The following DST variants were observed in gnomAD, a reference collection of about 807,000 sequenced individuals.
DST encodes dystonin.
In DST, 253 loss-of-function variants were observed where a neutral mutation model predicts 875.2. The observed-to-expected ratio is 0.29, with a 90% CI of 0.26 to 0.32. The LOEUF (loss-of-function observed/expected upper bound fraction) is 0.32, where lower values mean the gene tolerates loss of function less well. Ranked by LOEUF, DST falls within the 10% of genes least tolerant of loss-of-function variation. DST has a pLI of 1.00. For synonymous variants in DST, 3,124 were observed against 3,197.1 expected (o/e 0.98, Z 0.77); for missense variants, 8,287 against 9,111.6 (o/e 0.91, Z 3.68).
chr6:56,464,095 C>CAGAT (rs1193105910), intron 100 of DST: 1 of 401,394 alleles, frequency 2.5e-6, no homozygotes, highest in East Asian at 6.2e-5. Context: ...CCACCAGCTA[C>CAGAT]AGATGCCCAC....
At chr6:56,529,420 T>C (rs759301054) in intron 66 of DST, 28 bp downstream of exon 66, 2 of 1,390,238 alleles carry the variant, frequency 1.4e-6, no homozygotes, top group South Asian at 3.8e-5. Flanking sequence ...AATGAAAAAA[T>C]AAGATAAAAT....
At chr6:56,538,536 A>G in intron 61 of DST, among the ~76,000 whole-genome samples, 1 of 152,188 alleles carries the variant, frequency 6.6e-6, no homozygotes, top group East Asian at 1.9e-4. Context: ...ATGAAAAATA[A>G]CTTTGAAAGA....
intron 9 of DST, among the ~76,000 whole-genome samples, chr6:56,678,889 A>G (rs1171980473): frequency 6.6e-6 from 1 of 152,156 alleles, no homozygotes; most frequent in Non-Finnish European, 1.5e-5. Flanking sequence ...CCAGAGACTC[A>G]AAGTTTTTTT....
chr6:56,740,226 G>A (rs2099541901), intron 4 of DST, among the ~76,000 whole-genome samples: 1 of 152,122 alleles, frequency 6.6e-6, no homozygotes, highest in African/African-American at 2.4e-5. Flanking sequence ...AATTCTCTCT[G>A]GCAAGAGATC....
chr6:56,464,424 G>A (rs1436829220), intron 100 of DST: 3 of 492,782 alleles, frequency 6.1e-6, no homozygotes, highest in African/African-American at 1.9e-5. Flanking sequence ...AAACACATAC[G>A]CACACGGAGA....
At chr6:56,752,306 T>C (rs764707363) in intron 4 of DST, among the ~76,000 whole-genome samples, 1 of 152,110 alleles carries the variant, frequency 6.6e-6, no homozygotes, top group Non-Finnish European at 1.5e-5. Context: ...AAAAAGAGCT[T>C]GGCTTGATTT....
rs567117205 is a variant in DST at position 56,462,726 on chromosome 6, T to C, written c.23070+320A>G. On this transcript the variant is annotated intron_variant, in intron 102 of 103. Transcript: ENST00000680361. Reference sequence around the variant, plus strand: ...AGCTTTAAAAGAAATTTTACTTAAGTCTGGCTATAACCTACTCTATGTTAC... The same window carrying C: ...AGCTTTAAAAGAAATTTTACTTAAGCCTGGCTATAACCTACTCTATGTTAC... 5.3e-5 allele frequency among the ~76,000 whole-genome samples: 8 copies of C among 152,316 alleles called. No individual in the cohort carries two copies. In the South Asian group the frequency reaches 1.7e-3, roughly 32 times the overall value.
intron 3 of DST, among the ~76,000 whole-genome samples, chr6:56,873,446 T>C (rs963077520): frequency 2.0e-5 from 3 of 152,194 alleles, no homozygotes; most frequent in African/African-American, 4.8e-5. Flanking sequence ...TAGCAAGATA[T>C]GAAATCAACC....
At position 56,615,533 on chromosome 6, in the gene DST, A is replaced by G. The variant is rs374732834; in HGVS notation, c.4930-1049T>C. On this transcript the variant is annotated intron_variant, in intron 36 of 103. Coordinates refer to ENST00000680361, the MANE Select transcript of DST (RefSeq NM_001374736.1). The stretch of plus-strand genomic sequence containing the variant: ...CATGTCCCATTAGGAAGAATAGTAG[A>G]GGCTAGAAATTCCTGTCATCAGGGG... The G allele has an allele frequency of 8.1e-6, 13 of 1,614,078 alleles. No homozygotes were observed. The highest frequency in any genetic ancestry group is 1.3e-5 in the African/African-American group (1 of 75,054).
intron 103 of DST, 85 bp downstream of exon 103, chr6:56,460,046 T>C: frequency 1.4e-6 from 2 of 1,460,896 alleles, no homozygotes; most frequent in Non-Finnish European, 1.8e-6. Context: ...TTGTAATTTC[T>C]TCCCCAATGA....
At chr6:56,940,387 G>A (rs993934958) in intron 2 of DST, among the ~76,000 whole-genome samples, 5 of 151,970 alleles carry the variant, frequency 3.3e-5, no homozygotes, top group Admixed American at 1.3e-4. Context: ...TTCTCAAAAT[G>A]TGGTCCATAA....
At chr6:56,643,115 T>A (rs1178140205) in intron 15 of DST, 1 of 318,782 alleles carries the variant, frequency 3.1e-6, no homozygotes, top group Non-Finnish European at 5.9e-6. Context: ...CTAAGAGTCA[T>A]CCAATTGCAA....
intron 22 of DST, chr6:56,638,961 T>A (rs2098851780): frequency 2.3e-6 from 1 of 441,144 alleles, no homozygotes; most frequent in African/African-American, 2.0e-5. Context: ...TGTGCAATGT[T>A]ACACAATCAG....
intron 8 of DST, among the ~76,000 whole-genome samples, chr6:56,700,013 G>A (rs1280088648): frequency 2.0e-5 from 3 of 152,152 alleles, no homozygotes; most frequent in Non-Finnish European, 2.9e-5. Flanking sequence ...TATACCATAG[G>A]GACTGGGCTG....
chr6:56,588,423 C>T (rs368897451), intron 49 of DST, among the ~76,000 whole-genome samples: 115 of 152,254 alleles, frequency 7.6e-4, no homozygotes, highest in African/African-American at 2.6e-3. Flanking sequence ...TAAGTCTCTC[C>T]TCACTCCTAG....
intron 36 of DST, chr6:56,614,930 C>G (rs1326051513): frequency 1.0e-6 from 1 of 992,258 alleles, no homozygotes. Context: ...TCCTCCAACA[C>G]ATAATATTCA....
At chr6:56,837,633 C>T (rs2099795267) in intron 4 of DST, among the ~76,000 whole-genome samples, 1 of 152,154 alleles carries the variant, frequency 6.6e-6, no homozygotes, top group Admixed American at 6.5e-5. Context: ...TCATCCATAT[C>T]CATCTTCCTA....
At chr6:56,802,690 C>T (rs1046858631) in intron 4 of DST, among the ~76,000 whole-genome samples, 3 of 152,142 alleles carry the variant, frequency 2.0e-5, no homozygotes, top group Non-Finnish European at 4.4e-5. Flanking sequence ...CCTTGCTTTA[C>T]ACACATTACA....
intron 4 of DST, among the ~76,000 whole-genome samples, chr6:56,814,595 A>C (rs2099764421): frequency 6.6e-6 from 1 of 152,190 alleles, no homozygotes; most frequent in Non-Finnish European, 1.5e-5. Flanking sequence ...AGTTTCCTTC[A>C]ACAGCATTTG....
Sources: allele counts gnomAD v4.1 joint callset (sites outside exome capture counted in the v4.1 genomes callset), GRCh38; gene constraint gnomAD v4.1.1; transcripts MANE v1.5; gene names NCBI Gene and HGNC (gene_info 2026-07-23, HGNC 2026-07-21).